Variants in LMNTD2 observed in about 807,000 individuals in gnomAD.
LMNTD2 encodes lamin tail domain-containing protein 2.
In LMNTD2, 83 loss-of-function variants were observed where a neutral mutation model predicts 70.1. The ratio of observed to expected loss-of-function variants is 1.18; its 90% CI spans 0.99 to 1.42. The LOEUF (loss-of-function observed/expected upper bound fraction) is 1.42. LMNTD2 is among the 40% of genes most tolerant of loss of function. The pLI is 0.00. For missense variants in LMNTD2, 1,153 were observed against 905.9 expected (o/e 1.27, Z -3.50); for synonymous variants, 534 against 406.1 (o/e 1.31, Z -3.79).
rs1028289057 is a variant in LMNTD2, at chr11:555,715, G to C, written c.1574+19C>G. On this transcript the variant is annotated intron_variant, in intron 12 of 13. Coordinates refer to ENST00000329451, the MANE Select transcript of LMNTD2 (RefSeq NM_173573.3). ...GGCCTGGGGAGGGAGGCCAGATCCCGGGGACCCGCGGTCCCCACCCTGGTC... is the reference window on the plus strand; with the variant it reads ...GGCCTGGGGAGGGAGGCCAGATCCCCGGGACCCGCGGTCCCCACCCTGGTC... The C allele has an allele frequency of 1.5e-6, 2 of 1,379,212 alleles. No individual in the cohort carries two copies. The highest frequency in any genetic ancestry group is 1.9e-6 in the Non-Finnish European group (2 of 1,076,182). The allele number at this position is 1,379,212 out of a possible 1,614,324, so 85.4% of individuals were successfully genotyped here.
At chr11:555,218 AG>A (rs1459379195) in intron 13 of LMNTD2, 86 bp downstream of exon 13, 25 of 629,312 alleles carry the variant, frequency 4.0e-5, no homozygotes, top group African/African-American at 1.4e-4. Context: ...GGAGGGGACG[AG>A]GAGACAGAGG....
In LMNTD2 at chr11:558,657, G is replaced by A. The variant is rs1016127085; in HGVS notation, c.268C>T (p.Leu90Phe). ...GCCACCTCTTCCAGGATGTGGCAGA[G>A]CCGGGCGTCCTCGCCATTCTGGATG... ...WAIQNGEDAR[L>F]CHILEEVAGL... The change falls in exon 3 of 14, where the codon CTC becomes TTC. Residue 90 changes from leucine to phenylalanine, a missense_variant. Physicochemically the swap from Leu to Phe is conservative, Grantham distance 22 (BLOSUM62 0). Coordinates refer to ENST00000329451, the MANE Select transcript of LMNTD2 (RefSeq NM_173573.3). 2 of 1,606,674 alleles carry A rather than the reference G, an allele frequency of 1.2e-6. No individual in the cohort carries two copies. Among genetic ancestry groups the A allele is most frequent in the Admixed American group, 3.4e-5 (2 of 59,356 alleles).
chr11:557,038 G>T lies in LMNTD2; in HGVS notation c.773C>A (p.Ser258Tyr). 1.2e-6 allele frequency: 2 copies of T among 1,609,588 alleles called. No homozygotes were observed. The change falls in exon 8 of 14, where the codon TCC (serine) becomes TAC (tyrosine). Residue 258 changes from serine (S) to tyrosine (Y), a missense_variant. Transcript: ENST00000329451. ...TGSPESSGKHSERHHKTVEWG... is the reference protein window; with the variant it reads ...TGSPESSGKHYERHHKTVEWG... ...CTCCACGGTCTTGTGATGCCGCTCG[G>T]AATGCTTTCCAGAGGACTCTGGGCT... is the stretch of plus-strand genomic sequence containing the variant.
intron 3 of LMNTD2, 141 bp downstream of exon 3, chr11:558,473 T>C: frequency 1.7e-6 from 2 of 1,187,014 alleles, no homozygotes; most frequent in Non-Finnish European, 2.3e-6. Flanking sequence ...CGTGTTAACT[T>C]AGGATCAGGG....
rs536156255 is a variant in LMNTD2, at chr11:559,403, G to C, written c.35-424C>G. On this transcript the variant is annotated intron_variant, in intron 1 of 13. Transcript: ENST00000329451. The stretch of plus-strand genomic sequence containing the variant: ...GGAAGGGCTGTATACCGTTGCCATG[G>C]ATACCAGCACCCAGAAGGGGTGGGG... 39 of 1,313,398 alleles carry C rather than the reference G, an allele frequency of 3.0e-5. No individual in the cohort carries two copies. The African/African-American group carries it at 5.7e-4, about 19-fold the overall frequency. 81.4% of individuals were successfully genotyped at this position (1,313,398 alleles called of 1,614,324 possible). A position where few individuals can be genotyped will look rare whatever the true frequency, so the allele number is the denominator to read the frequency against.
chr11:556,781 T>G, intron 8 of LMNTD2, 54 bp downstream of exon 8: 1 of 1,489,816 alleles, frequency 6.7e-7, no homozygotes, highest in Non-Finnish European at 9.0e-7. Context: ...ATCACAGCTC[T>G]GAGGGGGTGG....
In LMNTD2 at chr11:554,936, C is replaced by CCGCCCG; in HGVS notation, c.*38_*43dup. On this transcript the variant is annotated 3_prime_UTR_variant, in exon 14 of 14. Coordinates refer to ENST00000329451, the MANE Select transcript of LMNTD2 (RefSeq NM_173573.3). ...GACACAGCCCGCCCAGCCCCGGCGC[C>CCGCCCG]CGCCCGCGCCCTCCCTCGCGGTCCC... is the stretch of plus-strand genomic sequence containing the variant. The CCGCCCG allele has an allele frequency of 1.4e-6, 2 of 1,423,606 alleles. No individual in the cohort carries two copies. Among genetic ancestry groups the CCGCCCG allele is most frequent in the South Asian group, 2.9e-5 (2 of 70,046 alleles). 88.2% of individuals were successfully genotyped at this position (1,423,606 alleles called of 1,614,324 possible).
intron 1 of LMNTD2, chr11:559,393 C>T (rs773315382): frequency 1.8e-4 from 238 of 1,318,124 alleles, no homozygotes; most frequent in Non-Finnish European, 2.2e-4. Flanking sequence ...GGCTGTATAC[C>T]GTTGCCATGG....
At chr11:557,706 T>G in intron 5 of LMNTD2, 66 bp from the exon 6 acceptor site, 1 of 1,610,146 alleles carries the variant, frequency 6.2e-7, no homozygotes, top group Non-Finnish European at 8.5e-7. Flanking sequence ...CTCTCCTCTT[T>G]GACCTCACCT....
Position 557,594 on chromosome 11 carries a change from T to C in LMNTD2, c.602A>G (p.Asn201Ser). Residue 201 changes from asparagine to serine, a missense_variant, in exon 6 of 14, where the codon AAC becomes AGC. By Grantham distance (46) the Asn-to-Ser change is conservative. Transcript: ENST00000329451. ...CACCTCCCCGGTGGGGGCCTGAATG[T>C]TTTCAGAGAGGTCGCTTGGGTCCAT... ...TLMDPSDLSENIQAPTGEGFR... is the reference protein window; with the variant it reads ...TLMDPSDLSESIQAPTGEGFR... The C allele has an allele frequency of 6.2e-7, 1 of 1,613,312 alleles. No individual in the cohort carries two copies. The highest frequency in any genetic ancestry group is 8.5e-7 in the Non-Finnish European group (1 of 1,179,850).
intron 7 of LMNTD2, 90 bp downstream of exon 7, chr11:557,309 A>G (rs1183128148): frequency 3.4e-6 from 5 of 1,458,864 alleles, no homozygotes; most frequent in Admixed American, 2.0e-5. Context: ...ATCCAGGGAC[A>G]CTAAATGGTC....
Position 555,855 on chromosome 11 carries a change from T to A in LMNTD2, c.1453A>T (p.Ile485Phe), listed in dbSNP as rs375199142. 6.4e-7 allele frequency: 1 copy of A among 1,558,744 alleles called. No homozygotes were observed. Among genetic ancestry groups the A allele is most frequent in the South Asian group, 1.2e-5 (1 of 85,830 alleles). Reference sequence around the variant, plus strand: ...GCCTCAGGGAGCGGGAAGCGGTCGATGGACAAGTCGGTGCCGTCGGCGAAG... The same window carrying A: ...GCCTCAGGGAGCGGGAAGCGGTCGAAGGACAAGTCGGTGCCGTCGGCGAAG... ...RVFADGTDLS[I>F]DRFPLPEAGP... The change falls in exon 12 of 14, where the codon ATC becomes TTC. Residue 485 changes from isoleucine (I) to phenylalanine (F), a missense_variant. Coordinates refer to ENST00000329451, the MANE Select transcript of LMNTD2 (RefSeq NM_173573.3).
At chr11:559,045 C>T in intron 1 of LMNTD2, 66 bp from the exon 2 acceptor site, 1 of 1,574,222 alleles carries the variant, frequency 6.4e-7, no homozygotes, top group Non-Finnish European at 8.6e-7. Flanking sequence ...GGGGGCCATT[C>T]TCAATGTTCT....
chr11:558,113 G>T (rs1853018031), intron 4 of LMNTD2, 48 bp downstream of exon 4: 4 of 1,607,916 alleles, frequency 2.5e-6, no homozygotes, highest in Non-Finnish European at 2.5e-6. Context: ...GCCCCAGCCT[G>T]GCTCCCCAAC....
At chr11:558,071 G>C in intron 4 of LMNTD2, 32 bp from the exon 5 acceptor site, 1 of 1,588,402 alleles carries the variant, frequency 6.3e-7, no homozygotes. Flanking sequence ...TTGGTGGTGG[G>C]GGGGTGTCTT....
rs748889032 is a variant in LMNTD2 at position 556,125 on chromosome 11, C to T, written c.1258-10G>A. 2 of 1,394,570 alleles carry T rather than the reference C, an allele frequency of 1.4e-6. No homozygotes were observed. The highest frequency in any genetic ancestry group is 1.6e-5 in the South Asian group (1 of 61,354). 86.4% of individuals were successfully genotyped at this position (1,394,570 alleles called of 1,614,324 possible). A position where few individuals can be genotyped will look rare whatever the true frequency, so the allele number is the denominator to read the frequency against. ...TCGCCTCGCCCCAGACCTGGAGGGG[C>T]GTGGAGCGGCGGGTGAGGGGCGGCC... On this transcript the variant is annotated splice_polypyrimidine_tract_variant and intron_variant, in intron 10 of 13. Transcript: ENST00000329451.
In LMNTD2 at chr11:556,388, G is replaced by A. The variant is rs567440473; in HGVS notation, c.1074-13C>T. 2.5e-5 allele frequency: 39 copies of A among 1,537,526 alleles called. No homozygotes were observed. The African/African-American group carries it at 3.0e-4, about 12-fold the overall frequency. On this transcript the variant is annotated splice_polypyrimidine_tract_variant and intron_variant, in intron 9 of 13. Transcript: ENST00000329451. Reference sequence around the variant, plus strand: ...CAGGCCTGTCGGGCTGGGAAGAGAGGAGACGCTGTGAGGAGATGCGGCCGG... The same window carrying A: ...CAGGCCTGTCGGGCTGGGAAGAGAGAAGACGCTGTGAGGAGATGCGGCCGG...
rs1049791288 is a variant in LMNTD2 at position 556,243 on chromosome 11, G to A, written c.1206C>T (p.Arg402=). 7 of 1,528,384 alleles carry A rather than the reference G, an allele frequency of 4.6e-6. No individual in the cohort carries two copies. Among genetic ancestry groups the A allele is most frequent in the Non-Finnish European group, 6.1e-6 (7 of 1,143,650 alleles). The allele number at this position is 1,528,384 out of a possible 1,614,324, so 94.7% of individuals were successfully genotyped here. Residue 402 remains arginine, a synonymous_variant, in exon 10 of 14, where the codon CGC becomes CGT. Coordinates refer to ENST00000329451, the MANE Select transcript of LMNTD2 (RefSeq NM_173573.3). ...LKQLVRGFPE[R]LYRFPPGTLL... is the part of the protein sequence containing the mutation. Reference sequence around the variant, plus strand: ...GCGTGCCCGGCGGGAAGCGGTACAGGCGCTCCGGGAAGCCGCGCACCAGCT... The same window carrying A: ...GCGTGCCCGGCGGGAAGCGGTACAGACGCTCCGGGAAGCCGCGCACCAGCT...
rs755798455 is a variant in LMNTD2, at chr11:558,741, G to A, written c.184C>T (p.Arg62Cys). ...PQLALESLDP[R>C]TLRLLWRQRE... Reference sequence around the variant, plus strand: ...TGTCTCCACAGCAGCCGCAGTGTGCGAGGGTCCAGGGACTCAAGAGCCAAC... The same window carrying A: ...TGTCTCCACAGCAGCCGCAGTGTGCAAGGGTCCAGGGACTCAAGAGCCAAC... Residue 62 changes from arginine to cysteine, a missense_variant, in exon 3 of 14, where the codon CGC (arginine) becomes TGC (cysteine). Coordinates refer to ENST00000329451, the MANE Select transcript of LMNTD2 (RefSeq NM_173573.3). The A allele has an allele frequency of 3.1e-6, 5 of 1,608,660 alleles. No individual in the cohort carries two copies. Among genetic ancestry groups the A allele is most frequent in the Admixed American group, 1.7e-5 (1 of 59,472 alleles).
Sources: allele counts gnomAD v4.1 joint callset, GRCh38; gene constraint gnomAD v4.1.1; transcripts MANE v1.5; gene names NCBI Gene and HGNC (gene_info 2026-07-23, HGNC 2026-07-21).